DAB1: variants seen among roughly 807,000 people sequenced by gnomAD.
The protein encoded by DAB1 is disabled homolog 1.
Under a neutral mutation model 64.6 loss-of-function variants are expected in DAB1, and 15 were observed. That is an observed-to-expected ratio of 0.23 (90% CI 0.16 to 0.36). DAB1 has a LOEUF of 0.36. DAB1 is among the 10% of genes least tolerant of loss of function. The pLI is 1.00. For missense variants in DAB1, 596 were observed against 706.7 expected, an observed-to-expected ratio of 0.84 and a Z score of 1.78; for synonymous variants, 235 against 251.9, an observed-to-expected ratio of 0.93 and a Z score of 0.64.
intron 5 of DAB1, among the ~76,000 whole-genome samples, chr1:57,893,390 T>C (rs1279909715): frequency 6.6e-6 from 1 of 151,978 alleles, no homozygotes; most frequent in Non-Finnish European, 1.5e-5. Context: ...CAAAATCAAA[T>C]GGTGTATTTT....
intron 5 of DAB1, among the ~76,000 whole-genome samples, chr1:57,889,755 A>G (rs1644278231): frequency 6.6e-6 from 1 of 152,106 alleles, no homozygotes; most frequent in Non-Finnish European, 1.5e-5. Context: ...CTGGCTGTAT[A>G]TTGGAGTCCC....
At chr1:57,142,402 A>G (rs533494516) in intron 3 of DAB1, among the ~76,000 whole-genome samples, 1 of 152,306 alleles carries the variant, frequency 6.6e-6, no homozygotes, top group South Asian at 2.1e-4. Context: ...TGTTTCCTAA[A>G]GAAAAACCAC....
At chr1:58,472,206 G>A (rs534230430) in intron 3 of DAB1, among the ~76,000 whole-genome samples, 20 of 152,190 alleles carry the variant, frequency 1.3e-4, no homozygotes, top group Admixed American at 5.2e-4. Context: ...CCTAGGTAGG[G>A]CTATCTTATT....
At chr1:58,200,321 A>T (rs1469161482) in intron 4 of DAB1, among the ~76,000 whole-genome samples, 1 of 152,158 alleles carries the variant, frequency 6.6e-6, no homozygotes, top group Non-Finnish European at 1.5e-5. Flanking sequence ...CAGAGCTGTA[A>T]CTAGAACCTA....
chr1:57,091,618 C>T (rs1057036919), intron 4 of DAB1, among the ~76,000 whole-genome samples: 7 of 152,152 alleles, frequency 4.6e-5, no homozygotes, highest in African/African-American at 1.7e-4. Flanking sequence ...GCAGCAAGTG[C>T]AGAGGTTAAG....
intron 5 of DAB1, among the ~76,000 whole-genome samples, chr1:58,130,427 C>G (rs1301508971): frequency 6.6e-6 from 1 of 151,600 alleles, no homozygotes; most frequent in South Asian, 2.1e-4. Context: ...CCAGTCTGTG[C>G]CTTTTAATTG....
At chr1:57,940,610 C>A (rs1458997442) in intron 5 of DAB1, among the ~76,000 whole-genome samples, 2 of 152,192 alleles carry the variant, frequency 1.3e-5, no homozygotes, top group Admixed American at 1.3e-4. Context: ...GGGTCTGGGG[C>A]AGAGCCTGAG....
rs558587012 is a variant in DAB1 at position 58,485,653 on chromosome 1, T to G, written n.257+20407A>C. On this transcript the variant is annotated intron_variant and non_coding_transcript_variant, in intron 3 of 20. Coordinates refer to the DAB1 transcript ENST00000485760. ...CATTTTATATATTTCAGGGCGCCAA[T>G]GTCTTTTTATTTTTATAAATTCTAA... is the stretch of plus-strand genomic sequence containing the variant. Among the ~76,000 whole-genome samples the G allele has an allele frequency of 2.6e-5, 4 of 152,236 alleles. No homozygotes were observed. In the East Asian group the frequency reaches 7.7e-4, roughly 29 times the overall value.
chr1:57,772,579 T>C (rs2101832103), intron 6 of DAB1, among the ~76,000 whole-genome samples: 1 of 148,084 alleles, frequency 6.8e-6, no homozygotes, highest in South Asian at 2.1e-4. Context: ...ACAGTATGTT[T>C]AACTTTATAA....
chr1:57,434,306 A>T (rs766653924), intron 7 of DAB1, among the ~76,000 whole-genome samples: 9 of 152,236 alleles, frequency 5.9e-5, no homozygotes, highest in Non-Finnish European at 1.3e-4. Context: ...TTAAGCAAGA[A>T]ATAAAATACA....
At chr1:57,221,043 T>C (rs756622387) in intron 2 of DAB1, among the ~76,000 whole-genome samples, 55 of 152,302 alleles carry the variant, frequency 3.6e-4, no homozygotes, top group Non-Finnish European at 6.8e-4. Context: ...GTGGCACATA[T>C]ATACCATGGA....
chr1:57,294,784 C>T (rs1476941280), intron 1 of DAB1, among the ~76,000 whole-genome samples: 1 of 152,142 alleles, frequency 6.6e-6, no homozygotes, highest in African/African-American at 2.4e-5. Context: ...TAGCACAGCA[C>T]AAGGCAAGTT....
At chr1:57,323,125 G>A (rs887350516) in intron 1 of DAB1, among the ~76,000 whole-genome samples, 15 of 152,086 alleles carry the variant, frequency 9.9e-5, no homozygotes, top group African/African-American at 3.6e-4. Context: ...AGTAGAAAGG[G>A]CATGGATATA....
intron 3 of DAB1, among the ~76,000 whole-genome samples, chr1:58,364,917 G>A (rs988749929): frequency 3.7e-4 from 56 of 152,318 alleles, no homozygotes; most frequent in African/African-American, 1.3e-3. Flanking sequence ...TTCTTGAGGA[G>A]TCCAAATCAT....
intron 6 of DAB1, among the ~76,000 whole-genome samples, chr1:57,664,439 T>C (rs932492922): frequency 3.3e-5 from 5 of 152,206 alleles, no homozygotes; most frequent in Non-Finnish European, 7.4e-5. Flanking sequence ...AATACATGTA[T>C]AGCTAGGTAA....
At chr1:57,370,839 T>G (rs1253197142) in intron 1 of DAB1, among the ~76,000 whole-genome samples, 1 of 152,152 alleles carries the variant, frequency 6.6e-6, no homozygotes, top group Non-Finnish European at 1.5e-5. Context: ...ATTAACACAA[T>G]TGTAGTGGTC....
chr1:57,519,135 T>A (rs1484711673), intron 7 of DAB1, among the ~76,000 whole-genome samples: 1 of 152,176 alleles, frequency 6.6e-6, no homozygotes, highest in Non-Finnish European at 1.5e-5. Context: ...CTCATTACTA[T>A]TACTTCGAGT....
intron 1 of DAB1, among the ~76,000 whole-genome samples, chr1:57,343,715 G>GCCACCC (rs2100837387): frequency 6.6e-6 from 1 of 152,306 alleles, no homozygotes; most frequent in East Asian, 1.9e-4. Context: ...GGGGTCCGCG[G>GCCACCC]AGCCCACGCC....
intron 6 of DAB1, among the ~76,000 whole-genome samples, chr1:57,802,586 G>A (rs1651180302): frequency 6.6e-6 from 1 of 152,150 alleles, no homozygotes; most frequent in Non-Finnish European, 1.5e-5. Flanking sequence ...GTTGGAGGTG[G>A]GGCCTGGTAG....
Sources: allele counts gnomAD v4.1 joint callset (sites outside exome capture counted in the v4.1 genomes callset), GRCh38; gene constraint gnomAD v4.1.1; transcripts MANE v1.5; gene names NCBI Gene and HGNC (gene_info 2026-07-23, HGNC 2026-07-21).